The following PTK2 variants were observed in gnomAD, a reference collection of about 807,000 sequenced individuals.
PTK2 encodes focal adhesion kinase 1.
A neutral mutation model predicts 150.1 loss-of-function variants in PTK2; 45 were observed. The ratio of observed to expected loss-of-function variants is 0.30; its 90% confidence interval spans 0.24 to 0.38. The LOEUF (loss-of-function observed/expected upper bound fraction) is 0.38. Among genes scored for constraint, PTK2 ranks in the 10% least tolerant of loss-of-function variants. The probability of loss-of-function intolerance (pLI) is 1.00; values close to 1 mark genes in which losing one functional copy is unlikely to be tolerated. For synonymous variants in PTK2, 432 were observed against 449.2 expected, an observed-to-expected ratio of 0.96 and a Z score of 0.48; for missense variants, 919 against 1,307.3, an observed-to-expected ratio of 0.70 and a Z score of 4.58.
At chr8:140,918,019 A>G (rs755102502) in intron 2 of PTK2, among the ~76,000 whole-genome samples, 6 of 152,226 alleles carry the variant, frequency 3.9e-5, no homozygotes, top group African/African-American at 1.4e-4. Context: ...AATATTTAAC[A>G]AACACCTAGT....
chr8:140,878,219 GCTTGGTACCAGCTA>G (rs2100146833), intron 4 of PTK2, among the ~76,000 whole-genome samples: 1 of 152,164 alleles, frequency 6.6e-6, no homozygotes, highest in African/African-American at 2.4e-5. Flanking sequence ...TATTTTGTTA[GCTTGGTACCAGCTA>G]CCTGACAAAT....
chr8:140,807,264 T>C (rs1242481703), intron 10 of PTK2, among the ~76,000 whole-genome samples: 1 of 152,186 alleles, frequency 6.6e-6, no homozygotes, highest in Non-Finnish European at 1.5e-5. Flanking sequence ...TGTATAAAAA[T>C]ATCTAATTTA....
chr8:140,796,492 TTC>T (rs1391099715), intron 12 of PTK2, among the ~76,000 whole-genome samples: 1 of 152,230 alleles, frequency 6.6e-6, no homozygotes, highest in Admixed American at 6.5e-5. Context: ...TTAGTGTGAT[TTC>T]TGTTTGTATT....
At chr8:140,830,652 G>A (rs1300979797) in intron 7 of PTK2, 126 bp from the exon 8 acceptor site, 4 of 565,034 alleles carry the variant, frequency 7.1e-6, no homozygotes, top group Non-Finnish European at 1.2e-5. Flanking sequence ...AAGGAAACAA[G>A]TATAATAATG....
intron 22 of PTK2, among the ~76,000 whole-genome samples, chr8:140,727,405 G>T (rs1407094972): frequency 6.6e-6 from 1 of 151,718 alleles, no homozygotes; most frequent in Non-Finnish European, 1.5e-5. Context: ...AAGTTCACAT[G>T]CTGTGAACAT....
rs185594543 is a variant in PTK2 at position 140,665,790 on chromosome 8, C to A, written c.2866-793G>T. Among the ~76,000 whole-genome samples the A allele has an allele frequency of 2.0e-5, 3 of 152,242 alleles. No homozygotes were observed. The East Asian group carries it at 5.8e-4, about 29-fold the overall frequency. On this transcript the variant is annotated intron_variant, in intron 30 of 31. Coordinates refer to ENST00000522684, the Ensembl canonical transcript of PTK2. ...TAAAAAAATAGTGTCTATAAAATCA[C>A]CATATAAAATCTTAGTATGTACAAA...
At chr8:140,663,697 C>T (rs1244256773) in intron 31 of PTK2, among the ~76,000 whole-genome samples, 1 of 151,700 alleles carries the variant, frequency 6.6e-6, no homozygotes, top group Non-Finnish European at 1.5e-5. Context: ...TTTTTTGAAA[C>T]AGGGTTTGCT....
At position 140,948,064 on chromosome 8, in the gene PTK2, C is replaced by A. The variant is rs547248694; in HGVS notation, c.-121-22315G>T. On this transcript the variant is annotated intron_variant, in intron 1 of 31. Coordinates refer to ENST00000522684, the Ensembl canonical transcript of PTK2. Reference sequence around the variant, plus strand: ...TTCAGTTCTGAATTCCTACCAGGGGCTAAATCTAACTCCGAAAAGTAGCTA... The same window carrying A: ...TTCAGTTCTGAATTCCTACCAGGGGATAAATCTAACTCCGAAAAGTAGCTA... Among the ~76,000 whole-genome samples the A allele has an allele frequency of 2.6e-5, 4 of 152,088 alleles. No homozygotes were observed. In the South Asian group the frequency reaches 8.3e-4, roughly 32 times the overall value.
rs1360863379 is a variant in PTK2 at position 140,683,156 on chromosome 8, G to A, written c.2562+3476C>T. ...GATCGAAAAAAATACAATCAGCAAC[G>A]ACAAAGGGGACATTACCACCAACCC... On this transcript the variant is annotated intron_variant, in intron 27 of 31. Transcript: ENST00000522684. 7.9e-5 allele frequency among the ~76,000 whole-genome samples: 12 copies of A among 152,006 alleles called. No homozygotes were observed. In the South Asian group the frequency reaches 1.5e-3, roughly 18 times the overall value.
chr8:140,815,142 A>G (rs2100103950), intron 10 of PTK2, among the ~76,000 whole-genome samples: 1 of 152,018 alleles, frequency 6.6e-6, no homozygotes, highest in Non-Finnish European at 1.5e-5. Flanking sequence ...TAGCCAAGAC[A>G]TGGAATCAAC....
intron 2 of PTK2, among the ~76,000 whole-genome samples, chr8:140,923,933 C>T (rs1237381492): frequency 6.6e-6 from 1 of 152,204 alleles, no homozygotes; most frequent in Non-Finnish European, 1.5e-5. Context: ...ACTCTATTCA[C>T]AACCCTTCTG....
intron 23 of PTK2, among the ~76,000 whole-genome samples, chr8:140,708,149 C>G (rs770463367): frequency 6.6e-6 from 1 of 152,110 alleles, no homozygotes; most frequent in Non-Finnish European, 1.5e-5. Context: ...AAATTAAGTA[C>G]AGAATAAAAG....
rs543369750 is a variant in PTK2 at position 140,828,379 on chromosome 8, C to T, written c.648+2093G>A. Among the ~76,000 whole-genome samples, 22 of 152,238 alleles carry T rather than the reference C, an allele frequency of 1.4e-4. No individual in the cohort carries two copies. In the East Asian group the frequency reaches 3.9e-3, roughly 27 times the overall value. On this transcript the variant is annotated intron_variant, in intron 8 of 31. Coordinates refer to ENST00000522684, the Ensembl canonical transcript of PTK2. ...TTGGGCACCTGTCTCACTCTGGCTA[C>T]ACTCACACCATGGCACCTGTGACCT...
intron 1 of PTK2, among the ~76,000 whole-genome samples, chr8:140,928,095 C>T (rs1463424130): frequency 1.3e-5 from 2 of 149,912 alleles, no homozygotes; most frequent in Non-Finnish European, 3.0e-5. Flanking sequence ...TCTTTCCAAA[C>T]GGAGCTACAT....
intron 2 of PTK2, among the ~76,000 whole-genome samples, chr8:140,899,059 AT>A (rs2100157429): frequency 6.6e-6 from 1 of 152,190 alleles, no homozygotes; most frequent in Non-Finnish European, 1.5e-5. Flanking sequence ...GCTTGAGTTT[AT>A]TTTCCCATAA....
At chr8:140,737,408 TA>T (rs2100053223) in intron 21 of PTK2, among the ~76,000 whole-genome samples, 1 of 152,156 alleles carries the variant, frequency 6.6e-6, no homozygotes, top group African/African-American at 2.4e-5. Context: ...CAGTCTCATA[TA>T]TTACCCTTAA....
At chr8:140,947,526 C>T (rs142593182) in intron 1 of PTK2, among the ~76,000 whole-genome samples, 30 of 152,250 alleles carry the variant, frequency 2.0e-4, no homozygotes, top group African/African-American at 7.0e-4. Flanking sequence ...GATCAACATG[C>T]CACCCCACCT....
chr8:140,701,942 C>A (rs1308922504), intron 25 of PTK2, among the ~76,000 whole-genome samples: 4 of 151,480 alleles, frequency 2.6e-5, no homozygotes, highest in African/African-American at 7.3e-5. Flanking sequence ...GCCTGGCCAA[C>A]ATGGTGAAAC....
At chr8:140,805,490 C>CA (rs1186282823) in intron 10 of PTK2, among the ~76,000 whole-genome samples, 1 of 148,706 alleles carries the variant, frequency 6.7e-6, no homozygotes, top group Admixed American at 6.8e-5. Flanking sequence ...ACCAGGGAGT[C>CA]AGAGGTTGCA....
Sources: allele counts gnomAD v4.1 joint callset (sites outside exome capture counted in the v4.1 genomes callset), GRCh38; gene constraint gnomAD v4.1.1; transcripts MANE v1.5; gene names NCBI Gene and HGNC (gene_info 2026-07-23, HGNC 2026-07-21).